The following TCF12 variants were observed in gnomAD, a reference collection of about 807,000 sequenced individuals.
The protein encoded by TCF12 is DNA-binding protein HTF4.
Under a neutral mutation model 86.0 loss-of-function variants are expected in TCF12, and 45 were observed. The ratio of observed to expected loss-of-function variants is 0.52; its 90% CI spans 0.41 to 0.67. The LOEUF (loss-of-function observed/expected upper bound fraction) is 0.67. TCF12 is among the 30% of genes least tolerant of loss of function. TCF12 has a pLI of 0.00. For synonymous variants in TCF12, 330 were observed against 299.6 expected, an observed-to-expected ratio of 1.10 and a Z score of -1.05; for missense variants, 881 against 859.9, an observed-to-expected ratio of 1.02 and a Z score of -0.31.
intron 8 of TCF12, among the ~76,000 whole-genome samples, chr15:57,215,914 C>T (rs2058313562): frequency 6.6e-6 from 1 of 152,092 alleles, no homozygotes; most frequent in Non-Finnish European, 1.5e-5. Flanking sequence ...GTTTCCCAAT[C>T]AACAGAAAAG....
chr15:57,264,423 A>T (rs549825991), intron 18 of TCF12, among the ~76,000 whole-genome samples: 1 of 151,438 alleles, frequency 6.6e-6, no homozygotes, highest in South Asian at 2.1e-4. Flanking sequence ...CAGGTCTGGA[A>T]CTCCTGACCT....
intron 4 of TCF12, among the ~76,000 whole-genome samples, chr15:57,077,568 A>AG (rs2151039807): frequency 6.6e-6 from 1 of 151,824 alleles, no homozygotes; most frequent in Non-Finnish European, 1.5e-5. Context: ...TTTGGATTAC[A>AG]GGCTGCCGCC....
intron 3 of TCF12, among the ~76,000 whole-genome samples, chr15:56,992,348 T>C (rs564782111): frequency 1.4e-4 from 22 of 152,356 alleles, no homozygotes; most frequent in African/African-American, 5.0e-4. Context: ...TGCCACATTC[T>C]TTCTGCTTTT....
At chr15:57,082,844 C>G (rs2048397321) in intron 4 of TCF12, among the ~76,000 whole-genome samples, 1 of 151,980 alleles carries the variant, frequency 6.6e-6, no homozygotes, top group South Asian at 2.1e-4. Flanking sequence ...CATATAAATT[C>G]GTACAAGGAG....
At chr15:57,238,831 G>A (rs1490845800) in intron 12 of TCF12, among the ~76,000 whole-genome samples, 1 of 152,132 alleles carries the variant, frequency 6.6e-6, no homozygotes, top group East Asian at 1.9e-4. Flanking sequence ...TACAAATAAT[G>A]ATAATGTATA....
rs1248552466 is a variant in TCF12 at position 57,286,306 on chromosome 15, A to G, written c.*161A>G. 2 of 200,482 alleles carry G rather than the reference A, an allele frequency of 1.0e-5. No individual in the cohort carries two copies. Among genetic ancestry groups the G allele is most frequent in the African/African-American group, 4.7e-5 (2 of 42,554 alleles). The allele number at this position is 200,482 out of a possible 1,614,324, so 12.4% of individuals were successfully genotyped here. On this transcript the variant is annotated 3_prime_UTR_variant, in exon 21 of 21. Coordinates refer to ENST00000333725, the MANE Select transcript of TCF12 (RefSeq NM_207037.2). ...AAACTCAAATGTAATCCTACGATCA[A>G]AGCAACTGGTCAACACTTCCATCAG...
chr15:56,970,592 T>C (rs1265063407), intron 3 of TCF12, among the ~76,000 whole-genome samples: 4 of 151,616 alleles, frequency 2.6e-5, no homozygotes, highest in Non-Finnish European at 5.9e-5. Context: ...GAAGAATATA[T>C]GGATGAATTC....
intron 4 of TCF12, among the ~76,000 whole-genome samples, chr15:57,088,001 A>C (rs967637281): frequency 3.9e-5 from 6 of 152,322 alleles, no homozygotes; most frequent in Middle Eastern, 3.4e-3. Flanking sequence ...TAGCATAGTA[A>C]CTTTCTATCA....
At chr15:57,176,440 G>A (rs2055915987) in intron 6 of TCF12, among the ~76,000 whole-genome samples, 1 of 152,120 alleles carries the variant, frequency 6.6e-6, no homozygotes, top group African/African-American at 2.4e-5. Flanking sequence ...AGGATTGCAG[G>A]CCAGTTAGCT....
intron 5 of TCF12, among the ~76,000 whole-genome samples, chr15:57,099,954 G>A (rs1312865617): frequency 6.6e-6 from 1 of 151,966 alleles, no homozygotes; most frequent in African/African-American, 2.4e-5. Flanking sequence ...GCAAACTCTA[G>A]GGACTTAAAT....
intron 4 of TCF12, among the ~76,000 whole-genome samples, chr15:57,086,522 A>G (rs1807618717): frequency 6.6e-6 from 1 of 151,984 alleles, no homozygotes. Flanking sequence ...ACAAATTTAA[A>G]TTATAAATTT....
At chr15:57,255,822 C>T (rs529587361) in intron 16 of TCF12, among the ~76,000 whole-genome samples, 1 of 152,210 alleles carries the variant, frequency 6.6e-6, no homozygotes, top group African/African-American at 2.4e-5. Context: ...TCAAATTAGT[C>T]TAGAAAAAAT....
intron 3 of TCF12, among the ~76,000 whole-genome samples, chr15:57,032,466 T>C (rs1220097048): frequency 1.3e-5 from 2 of 152,210 alleles, no homozygotes; most frequent in Non-Finnish European, 2.9e-5. Context: ...CTTAACTCTT[T>C]CATACAGGCT....
At chr15:57,001,839 C>T (rs1024701402) in intron 3 of TCF12, among the ~76,000 whole-genome samples, 1 of 152,022 alleles carries the variant, frequency 6.6e-6, no homozygotes, top group Admixed American at 6.6e-5. Flanking sequence ...TGTAAGAGTT[C>T]AAGGAGAAAG....
intron 18 of TCF12, 134 bp downstream of exon 18, chr15:57,263,408 C>A: frequency 1.2e-6 from 1 of 853,576 alleles, no homozygotes; most frequent in Non-Finnish European, 1.8e-6. Context: ...TGTATGTTGT[C>A]TCATTTAATC....
At chr15:57,253,228 A>G (rs1401384366) in intron 15 of TCF12, 34 bp from the exon 16 acceptor site, 2 of 1,609,958 alleles carry the variant, frequency 1.2e-6, no homozygotes, top group South Asian at 2.2e-5. Flanking sequence ...AGATGCCAGC[A>G]ATAACCACCA....
chr15:57,188,566 C>T (rs1183539141), intron 6 of TCF12, among the ~76,000 whole-genome samples: 11 of 152,082 alleles, frequency 7.2e-5, no homozygotes, highest in African/African-American at 2.7e-4. Context: ...AATTTCAAAA[C>T]TTACTACAAA....
At chr15:56,970,446 C>G (rs936566480) in intron 3 of TCF12, among the ~76,000 whole-genome samples, 1 of 135,302 alleles carries the variant, frequency 7.4e-6, no homozygotes, top group Non-Finnish European at 1.5e-5. Flanking sequence ...CGCCACTGCA[C>G]TCCAGCCTGG....
At chr15:57,012,668 C>CT (rs1163386379) in intron 3 of TCF12, among the ~76,000 whole-genome samples, 15 of 152,338 alleles carry the variant, frequency 9.8e-5, no homozygotes, top group African/African-American at 3.4e-4. Context: ...ACATCCTCGA[C>CT]TAAGTCCTCA....
Sources: allele counts gnomAD v4.1 joint callset (sites outside exome capture counted in the v4.1 genomes callset), GRCh38; gene constraint gnomAD v4.1.1; transcripts MANE v1.5; gene names NCBI Gene and HGNC (gene_info 2026-07-23, HGNC 2026-07-21).